The following MTUS2 variants were observed in gnomAD, a reference collection of about 807,000 sequenced individuals.
The protein encoded by MTUS2 is microtubule associated scaffold protein 2, also known as microtubule-associated tumor suppressor candidate 2.
Under a neutral mutation model 114.1 loss-of-function variants are expected in MTUS2, and 40 were observed. That is an observed-to-expected ratio of 0.35 (90% CI 0.27 to 0.46). The LOEUF is 0.46. Ranked by LOEUF, MTUS2 falls within the 20% of genes least tolerant of loss-of-function variation. The pLI, the probability that MTUS2 is intolerant of heterozygous loss-of-function variation, is 1.00. For missense variants in MTUS2, 1,679 were observed against 1,705.4 expected, an observed-to-expected ratio of 0.98 and a Z score of 0.27; for synonymous variants, 688 against 672.0, an observed-to-expected ratio of 1.02 and a Z score of -0.37.
chr13:29,459,106 C>CA (rs1383519032), intron 9 of MTUS2, among the ~76,000 whole-genome samples: 1 of 152,236 alleles, frequency 6.6e-6, no homozygotes, highest in Non-Finnish European at 1.5e-5. Context: ...CGCTTGGACC[C>CA]AAGCGGAGTC....
intron 2 of MTUS2, among the ~76,000 whole-genome samples, chr13:28,966,724 CAAAAAAAAAAAAAA>C (rs10597818): frequency 1.2e-5 from 1 of 82,276 alleles, no homozygotes; most frequent in Non-Finnish European, 2.2e-5. Flanking sequence ...GACCCTGTCT[CAAAAAAAAAAAAAA>C]AAAAAAAAAA....
At position 29,389,256 on chromosome 13, in the gene MTUS2, C is replaced by CAT. The variant is rs1251908673; in HGVS notation, c.3117+29784_3117+29785insTA. Among the ~76,000 whole-genome samples the CAT allele has an allele frequency of 2.9e-3, 409 of 138,778 alleles. 34 individuals carry two copies. The highest frequency in any genetic ancestry group is 0.012 in the African/African-American group (388 of 31,124). The allele number at this position is 138,778 out of a possible 152,430, so 91.0% of individuals were successfully genotyped here. A position where few individuals can be genotyped will look rare whatever the true frequency, so the allele number is the denominator to read the frequency against. On this transcript the variant is annotated intron_variant, in intron 8 of 15. Coordinates refer to ENST00000612955, the MANE Select transcript of MTUS2 (RefSeq NM_001033602.4). The stretch of plus-strand genomic sequence containing the variant: ...ATGTATGTGTGTATATATATGTATA[C>CAT]ACATGTGTGTATATATGTATATATG...
intron 5 of MTUS2, among the ~76,000 whole-genome samples, chr13:29,219,219 G>A (rs376543295): frequency 0.019 from 2,823 of 145,592 alleles, 83 homozygotes; most frequent in African/African-American, 0.069. Flanking sequence ...GAGAATATGC[G>A]GTGTTTGGTT....
chr13:29,393,849 G>A (rs779978238), intron 8 of MTUS2, among the ~76,000 whole-genome samples: 4 of 152,158 alleles, frequency 2.6e-5, no homozygotes, highest in South Asian at 2.1e-4. Context: ...ACTCGAAGTC[G>A]GGAGGGGGCT....
At chr13:28,904,948 TCTC>T (rs1195392476) in intron 2 of MTUS2, among the ~76,000 whole-genome samples, 4 of 151,524 alleles carry the variant, frequency 2.6e-5, no homozygotes, top group Admixed American at 6.6e-5. Flanking sequence ...GGTTTGTAGT[TCTC>T]CTTGAAGAGG....
chr13:29,272,090 A>G (rs1167693142), intron 5 of MTUS2, among the ~76,000 whole-genome samples: 1 of 152,244 alleles, frequency 6.6e-6, no homozygotes, highest in Non-Finnish European at 1.5e-5. Context: ...TGGCAATGGC[A>G]AGATCTCAGG....
chr13:29,200,260 C>T (rs901021365), intron 5 of MTUS2, among the ~76,000 whole-genome samples: 20 of 151,704 alleles, frequency 1.3e-4, no homozygotes, highest in Non-Finnish European at 2.8e-4. Flanking sequence ...TCTTGCTTCT[C>T]GAGGTCTTTT....
chr13:29,289,774 C>A (rs1898632640), intron 6 of MTUS2, among the ~76,000 whole-genome samples: 1 of 152,070 alleles, frequency 6.6e-6, no homozygotes, highest in Non-Finnish European at 1.5e-5. Flanking sequence ...CCAAAGTAGG[C>A]ATTTCATAAA....
intron 8 of MTUS2, among the ~76,000 whole-genome samples, chr13:29,399,981 A>G (rs1211734285): frequency 6.6e-6 from 1 of 152,266 alleles, no homozygotes; most frequent in Admixed American, 6.5e-5. Flanking sequence ...TTGTATATTA[A>G]TCATAGAAAA....
chr13:28,956,623 G>A (rs766524860), intron 2 of MTUS2, among the ~76,000 whole-genome samples: 1 of 152,200 alleles, frequency 6.6e-6, no homozygotes, highest in Admixed American at 6.5e-5. Flanking sequence ...AACTTCAGGG[G>A]AGTGTGTATA....
intron 6 of MTUS2, among the ~76,000 whole-genome samples, chr13:29,289,892 T>C (rs926598439): frequency 6.6e-6 from 1 of 152,170 alleles, no homozygotes; most frequent in Non-Finnish European, 1.5e-5. Flanking sequence ...AAACCTACCA[T>C]GTACTCTCCA....
At chr13:28,976,370 G>GGCAATGGGT (rs1884107456) in intron 2 of MTUS2, among the ~76,000 whole-genome samples, 1 of 152,188 alleles carries the variant, frequency 6.6e-6, no homozygotes, top group South Asian at 2.1e-4. Context: ...TTAATGTGAT[G>GGCAATGGGT]GCAATGGGTG....
chr13:29,139,211 C>A (rs1333232922), intron 5 of MTUS2, among the ~76,000 whole-genome samples: 2 of 152,162 alleles, frequency 1.3e-5, no homozygotes, highest in East Asian at 1.9e-4. Context: ...CCCCATCTTA[C>A]AGTGAGAAAG....
chr13:29,015,804 T>TG, intron 2 of MTUS2, among the ~76,000 whole-genome samples: 1 of 152,086 alleles, frequency 6.6e-6, no homozygotes, highest in Non-Finnish European at 1.5e-5. Context: ...ACATGCAAAG[T>TG]GAAAAATTGG....
chr13:28,954,631 C>T lies in MTUS2; in HGVS notation c.-242-69826C>T, dbSNP rs527383700. ...TGTGGGAGCATCATTGAAGTGGAGCCGTGAAGCAGAGGTAGGATTTTAACA... is the reference window on the plus strand; with the variant it reads ...TGTGGGAGCATCATTGAAGTGGAGCTGTGAAGCAGAGGTAGGATTTTAACA... On this transcript the variant is annotated intron_variant, in intron 2 of 15. Coordinates refer to ENST00000612955, the MANE Select transcript of MTUS2 (RefSeq NM_001033602.4). 3.9e-4 allele frequency among the ~76,000 whole-genome samples: 59 copies of T among 152,006 alleles called. 1 individual carries two copies. The South Asian group carries it at 0.011, about 30-fold the overall frequency.
At chr13:28,834,183 A>G (rs1246060093) in intron 1 of MTUS2, among the ~76,000 whole-genome samples, 1 of 152,100 alleles carries the variant, frequency 6.6e-6, no homozygotes, top group Non-Finnish European at 1.5e-5. Context: ...TGATCCTCAA[A>G]TTGATATGGA....
At chr13:29,073,649 A>G (rs1317441636) in intron 4 of MTUS2, among the ~76,000 whole-genome samples, 1 of 152,118 alleles carries the variant, frequency 6.6e-6, no homozygotes, top group Admixed American at 6.5e-5. Flanking sequence ...TTGCCTGTGC[A>G]GGCACCATGT....
Position 29,497,344 on chromosome 13 carries a change from C to G in MTUS2, c.3678+8C>G, listed in dbSNP as rs1882618655. 2 of 1,607,778 alleles carry G rather than the reference C, an allele frequency of 1.2e-6. No individual in the cohort carries two copies. The highest frequency in any genetic ancestry group is 1.3e-5 in the African/African-American group (1 of 74,894). On this transcript the variant is annotated splice_region_variant and intron_variant, in intron 13 of 15. Coordinates refer to ENST00000612955, the MANE Select transcript of MTUS2 (RefSeq NM_001033602.4). ...ACAGAGGAGCAGCTGGAGGTCGTTT[C>G]TGGATTCCAGGCTTCCAGCCCCGCA...
intron 4 of MTUS2, among the ~76,000 whole-genome samples, chr13:29,059,295 G>A (rs1264713967): frequency 5.2e-5 from 7 of 135,160 alleles, no homozygotes; most frequent in African/African-American, 1.9e-4. Flanking sequence ...TATGGCATAA[G>A]GTGGATTTAG....
Sources: gnomAD v4.1 joint callset for allele counts (sites outside exome capture counted in the v4.1 genomes callset) on GRCh38, gnomAD v4.1.1 for gene constraint, MANE v1.5 for transcripts, NCBI Gene and HGNC (gene_info 2026-07-23, HGNC 2026-07-21) for gene names.